Variants in GOLGB1 observed in about 807,000 individuals in gnomAD.
GOLGB1 encodes golgin subfamily B member 1.
A neutral mutation model predicts 336.9 loss-of-function variants in GOLGB1; 174 were observed. That is an observed-to-expected ratio of 0.52 (90% CI 0.46 to 0.59). The LOEUF is 0.59. Ranked by LOEUF, GOLGB1 falls within the 20% of genes least tolerant of loss-of-function variation. The probability of loss-of-function intolerance (pLI) is 0.00; values close to 1 mark genes in which losing one functional copy is unlikely to be tolerated. For missense variants in GOLGB1, 3,331 were observed against 3,645.3 expected, an observed-to-expected ratio of 0.91 and a Z score of 2.22; for synonymous variants, 1,208 against 1,289.2, an observed-to-expected ratio of 0.94 and a Z score of 1.35.
chr3:121,668,339 G>T, intron 18 of GOLGB1, 181 bp from the exon 19 acceptor site: 1 of 435,756 alleles, frequency 2.3e-6, no homozygotes, highest in Non-Finnish European at 4.1e-6. Flanking sequence ...GTCTTGATTA[G>T]ATTTTTCTCC....
At chr3:121,742,496 C>A (rs1226994766) in intron 1 of GOLGB1, among the ~76,000 whole-genome samples, 1 of 152,126 alleles carries the variant, frequency 6.6e-6, no homozygotes, top group Non-Finnish European at 1.5e-5. Flanking sequence ...AAATGTTAGA[C>A]CTAAAACCAT....
chr3:121,737,935 A>T (rs1421480235), intron 1 of GOLGB1, among the ~76,000 whole-genome samples: 3 of 152,192 alleles, frequency 2.0e-5, no homozygotes, highest in African/African-American at 7.2e-5. Flanking sequence ...ATAACTTCAT[A>T]TCTAAATACT....
intron 21 of GOLGB1, 43 bp downstream of exon 21, chr3:121,664,883 G>T: frequency 8.4e-7 from 1 of 1,195,066 alleles, no homozygotes; most frequent in Non-Finnish European, 1.3e-6. Context: ...AGCCAGCCCT[G>T]TCAGATAATA....
intron 8 of GOLGB1, among the ~76,000 whole-genome samples, chr3:121,717,878 C>T (rs577418114): frequency 2.2e-4 from 33 of 152,214 alleles, no homozygotes; most frequent in African/African-American, 7.5e-4. Flanking sequence ...TGGGATAGGA[C>T]GCAAGTCTAA....
chr3:121,671,844 T>C (rs1347655338), intron 17 of GOLGB1, among the ~76,000 whole-genome samples: 1 of 149,548 alleles, frequency 6.7e-6, no homozygotes, highest in Non-Finnish European at 1.5e-5. Context: ...ACTCTCTATC[T>C]TCATGAGATT....
intron 20 of GOLGB1, 57 bp from the exon 21 acceptor site, chr3:121,665,088 G>T: frequency 1.1e-6 from 1 of 942,840 alleles, no homozygotes; most frequent in Non-Finnish European, 1.7e-6. Context: ...AGGCTGATCA[G>T]GCCCAGTCTT....
Position 121,698,944 on chromosome 3 carries a change from G to C in GOLGB1, c.1594-15C>G, listed in dbSNP as rs1243220415. On this transcript the variant is annotated splice_polypyrimidine_tract_variant and intron_variant, in intron 12 of 21. Transcript: ENST00000614479. The stretch of plus-strand genomic sequence containing the variant: ...ACAATGCTGATCTATTTTTAAAAAA[G>C]AAAAAAAAAGCTGTAATCAAATGTT... 11 of 1,439,640 alleles carry C rather than the reference G, an allele frequency of 7.6e-6. 1 individual carries two copies. The highest frequency in any genetic ancestry group is 5.5e-6 in the Non-Finnish European group (6 of 1,085,742). 89.2% of individuals were successfully genotyped at this position (1,439,640 alleles called of 1,614,324 possible).
intron 15 of GOLGB1, 139 bp from the exon 16 acceptor site, chr3:121,677,589 G>A: frequency 1.6e-6 from 1 of 616,192 alleles, no homozygotes; most frequent in Non-Finnish European, 2.8e-6. Flanking sequence ...CTAAGAAAAA[G>A]GTGGAAAGAG....
In GOLGB1 at chr3:121,696,468, T is replaced by C; in HGVS notation, c.4055A>G (p.Asn1352Ser). The C allele has an allele frequency of 6.2e-7, 1 of 1,614,066 alleles. No individual in the cohort carries two copies. The highest frequency in any genetic ancestry group is 1.3e-5 in the African/African-American group (1 of 75,056). ...ACTCTCGATTTCTAAACCCTGTTTATTTATCTGCTCTTGTAACTGAAATAC... is the reference window on the plus strand; with the variant it reads ...ACTCTCGATTTCTAAACCCTGTTTACTTATCTGCTCTTGTAACTGAAATAC... ...EEVFQLQEQI[N>S]KQGLEIESLK... The change falls in exon 13 of 22, where the codon AAT becomes AGT. Residue 1352 changes from asparagine (N) to serine (S), a missense_variant. Asn to Ser is a conservative substitution (Grantham distance 46). Transcript: ENST00000614479.
Position 121,695,360 on chromosome 3 carries a change from T to G in GOLGB1, c.5163A>C (p.Thr1721=), listed in dbSNP as rs773041994. The change falls in exon 13 of 22, where the codon ACA becomes ACC. Residue 1721 remains threonine, a synonymous_variant. Coordinates refer to ENST00000614479, the MANE Select transcript of GOLGB1 (RefSeq NM_001366282.2). ...TCATGCTGGCATTGGAAGAAAGAAG[T>G]GTTTCCATACACTCTTTAGCTGTAT... ...AGDTAKECME[T]LLSSNASMKE... is the part of the protein sequence containing the mutation. 4 of 1,614,064 alleles carry G rather than the reference T, an allele frequency of 2.5e-6. No homozygotes were observed. The East Asian group carries it at 8.9e-5, about 36-fold the overall frequency.
chr3:121,682,841 G>C (rs1941232643), intron 14 of GOLGB1, among the ~76,000 whole-genome samples: 1 of 152,110 alleles, frequency 6.6e-6, no homozygotes, highest in Non-Finnish European at 1.5e-5. Context: ...TGAGTAAGTG[G>C]TAACTGACTT....
intron 2 of GOLGB1, among the ~76,000 whole-genome samples, chr3:121,730,384 A>T (rs1946000113): frequency 6.6e-6 from 1 of 152,202 alleles, no homozygotes. Flanking sequence ...CAGAAAACTA[A>T]GAAGTTTTAT....
At position 121,693,838 on chromosome 3, in the gene GOLGB1, C is replaced by T. The variant is rs1461188536; in HGVS notation, c.6685G>A (p.Glu2229Lys). Residue 2229 changes from glutamate (E) to lysine (K), a missense_variant, in exon 13 of 22, where the codon GAA (glutamate) becomes AAA (lysine). Coordinates refer to ENST00000614479, the MANE Select transcript of GOLGB1 (RefSeq NM_001366282.2). ...TTATCTTCTTTGAGTCTAATTTCTTCTTCTTTGCTTTGAATCGCATCACTA... is the reference window on the plus strand; with the variant it reads ...TTATCTTCTTTGAGTCTAATTTCTTTTTCTTTGCTTTGAATCGCATCACTA... ...KFSDAIQSKE[E>K]EIRLKEDNCS... 2 of 1,612,988 alleles carry T rather than the reference C, an allele frequency of 1.2e-6. No individual in the cohort carries two copies. The highest frequency in any genetic ancestry group is 1.7e-6 in the Non-Finnish European group (2 of 1,178,944).
In GOLGB1 at chr3:121,665,041, G is replaced by GA. The variant is rs773011537; in HGVS notation, c.9555-11dup. 6.5e-5 allele frequency: 96 copies of GA among 1,483,860 alleles called. No individual in the cohort carries two copies. Among genetic ancestry groups the GA allele is most frequent in the Middle Eastern group, 3.5e-4 (2 of 5,778 alleles). The allele number at this position is 1,483,860 out of a possible 1,614,324, so 91.9% of individuals were successfully genotyped here. A position where few individuals can be genotyped will look rare whatever the true frequency, so the allele number is the denominator to read the frequency against. ...TTCACTGTGCTCTAACCTGAGTTGA[G>GA]AAAAAAAAGAGGCATAGCATTGGTT... On this transcript the variant is annotated splice_polypyrimidine_tract_variant and intron_variant, in intron 20 of 21. Transcript: ENST00000614479.
chr3:121,727,833 AT>A (rs1273301380), intron 4 of GOLGB1, among the ~76,000 whole-genome samples: 9 of 152,258 alleles, frequency 5.9e-5, no homozygotes, highest in Admixed American at 6.5e-5. Flanking sequence ...GACTGTTGTC[AT>A]TTCTTCAACT....
At chr3:121,738,718 T>C (rs1946651440) in intron 1 of GOLGB1, among the ~76,000 whole-genome samples, 1 of 152,132 alleles carries the variant, frequency 6.6e-6, no homozygotes, top group African/African-American at 2.4e-5. Flanking sequence ...TGGGGCTCTC[T>C]TCCAGGATAG....
Position 121,698,196 on chromosome 3 carries a change from A to G in GOLGB1, c.2327T>C (p.Met776Thr). 6.2e-7 allele frequency: 1 copy of G among 1,613,692 alleles called. No homozygotes were observed. Among genetic ancestry groups the G allele is most frequent in the Non-Finnish European group, 8.5e-7 (1 of 1,179,912 alleles). ...ELRAQVKQLE[M>T]NLAEAERQRR... The stretch of plus-strand genomic sequence containing the variant: ...TTGCCTTTCTGCTTCTGCAAGGTTC[A>G]TTTCCAGTTGCTTTACCTGAGCCCT... The change falls in exon 13 of 22, where the codon ATG (methionine) becomes ACG (threonine). Residue 776 changes from methionine (M) to threonine (T), a missense_variant. By Grantham distance (81) the Met-to-Thr change is moderately conservative. Coordinates refer to ENST00000614479, the MANE Select transcript of GOLGB1 (RefSeq NM_001366282.2).
Position 121,696,863 on chromosome 3 carries a change from C to G in GOLGB1, c.3660G>C (p.Leu1220Phe). The G allele has an allele frequency of 6.2e-7, 1 of 1,614,174 alleles. No individual in the cohort carries two copies. Among genetic ancestry groups the G allele is most frequent in the Non-Finnish European group, 8.5e-7 (1 of 1,180,014 alleles). ...TGCTTTGCTCATCAAACTGTTCTTG[C>G]AAGCGATTATAGTCATCTTTCTGTT... ...LKQQKDDYNR[L>F]QEQFDEQSKE... is the part of the protein sequence containing the mutation. The change falls in exon 13 of 22, where the codon TTG becomes TTC. Residue 1220 changes from leucine (L) to phenylalanine (F), a missense_variant. Physicochemically the swap from Leu to Phe is conservative, Grantham distance 22 (BLOSUM62 0). Transcript: ENST00000614479.
Position 121,725,900 on chromosome 3 carries a change from G to A in GOLGB1, c.531+1013C>T, listed in dbSNP as rs1197739446. 2.6e-5 allele frequency among the ~76,000 whole-genome samples: 4 copies of A among 151,942 alleles called. No individual in the cohort carries two copies. The East Asian group carries it at 5.8e-4, about 22-fold the overall frequency. ...ACTTGCGCTGCCTTGCGACACCACT[G>A]AGAGCCCTATCAGCAAGAAGACCCT... is the stretch of plus-strand genomic sequence containing the variant. On this transcript the variant is annotated intron_variant, in intron 5 of 21. Coordinates refer to ENST00000614479, the MANE Select transcript of GOLGB1 (RefSeq NM_001366282.2).
Sources: allele counts gnomAD v4.1 joint callset (sites outside exome capture counted in the v4.1 genomes callset), GRCh38; gene constraint gnomAD v4.1.1; transcripts MANE v1.5; gene names NCBI Gene and HGNC (gene_info 2026-07-23, HGNC 2026-07-21).